Variants in PCDH15 observed in about 807,000 individuals in gnomAD.
PCDH15 encodes the protein protocadherin-15.
A neutral mutation model predicts 178.5 loss-of-function variants in PCDH15; 129 were observed. The ratio of observed to expected loss-of-function variants is 0.72; its 90% CI spans 0.63 to 0.84. PCDH15 has a LOEUF of 0.84. Among genes scored for constraint, PCDH15 ranks in the 40% least tolerant of loss-of-function variants. The pLI, the probability that PCDH15 is intolerant of heterozygous loss-of-function variation, is 0.00. For synonymous variants in PCDH15, 800 were observed against 732.0 expected (o/e 1.09, Z -1.50); for missense variants, 2,230 against 2,099.9 (o/e 1.06, Z -1.21).
At chr10:55,509,093 AG>A (rs1840823560) in intron 2 of PCDH15, among the ~76,000 whole-genome samples, 1 of 151,816 alleles carries the variant, frequency 6.6e-6, no homozygotes. Context: ...CAATTACTTA[AG>A]AAATTGGAGT....
At chr10:54,816,655 G>A (rs1021290587) in intron 3 of PCDH15, among the ~76,000 whole-genome samples, 1 of 152,048 alleles carries the variant, frequency 6.6e-6, no homozygotes, top group Non-Finnish European at 1.5e-5. Flanking sequence ...ACTTTTATTA[G>A]TTCCAAAATT....
chr10:54,943,751 C>T (rs1838118939), intron 2 of PCDH15, among the ~76,000 whole-genome samples: 1 of 151,526 alleles, frequency 6.6e-6, no homozygotes, highest in African/African-American at 2.4e-5. Context: ...GTGGTGATTC[C>T]TCTGGTTAAG....
At chr10:54,053,215 G>A (rs977241107) in intron 18 of PCDH15, among the ~76,000 whole-genome samples, 1 of 152,148 alleles carries the variant, frequency 6.6e-6, no homozygotes, top group African/African-American at 2.4e-5. Flanking sequence ...TTATGTGTTT[G>A]TATGCTTGTG....
intron 3 of PCDH15, chr10:54,452,510 A>C (rs1489225688): frequency 6.6e-6 from 1 of 152,100 alleles, no homozygotes; most frequent in Non-Finnish European, 1.5e-5. Flanking sequence ...CTGCCAAAGC[A>C]AGTGCCAGCT....
At chr10:54,138,996 C>A (rs1216801898) in intron 14 of PCDH15, among the ~76,000 whole-genome samples, 1 of 151,746 alleles carries the variant, frequency 6.6e-6, no homozygotes, top group Admixed American at 6.6e-5. Flanking sequence ...TTAAGTCAAC[C>A]ACAATAAGCA....
chr10:55,357,218 C>T (rs1845102100), intron 2 of PCDH15, among the ~76,000 whole-genome samples: 1 of 151,752 alleles, frequency 6.6e-6, no homozygotes, highest in Non-Finnish European at 1.5e-5. Context: ...ATGAATAAAT[C>T]TATTTCCTTA....
At chr10:54,688,920 G>T (rs2095064269) in intron 1 of PCDH15, among the ~76,000 whole-genome samples, 1 of 152,076 alleles carries the variant, frequency 6.6e-6, no homozygotes, top group South Asian at 2.1e-4. Flanking sequence ...TGCTTGTGTT[G>T]AGAACATTTA....
chr10:54,262,972 C>T (rs374704648), intron 8 of PCDH15, among the ~76,000 whole-genome samples: 13 of 152,326 alleles, frequency 8.5e-5, no homozygotes, highest in African/African-American at 2.2e-4. Context: ...CTGAAAATCA[C>T]GGGCTGCAAG....
At position 54,070,217 on chromosome 10, in the gene PCDH15, G is replaced by A. The variant is rs2094213178; in HGVS notation, c.2092-3332C>T. 3.9e-5 allele frequency among the ~76,000 whole-genome samples: 6 copies of A among 152,044 alleles called. No individual in the cohort carries two copies. In the South Asian group the frequency reaches 1.2e-3, roughly 31 times the overall value. ...TATTTCTGTTTTTGTTTGTTTGTTT[G>A]TTTTGAGACAAGGTATCACTCTGTC... On this transcript the variant is annotated intron_variant, in intron 17 of 37. Transcript: ENST00000644397.
At position 55,498,780 on chromosome 10, in the gene PCDH15, C is replaced by T. The variant is rs563978464; in HGVS notation, c.-156+128845G>A. On this transcript the variant is annotated intron_variant, in intron 2 of 5. Transcript: ENST00000613346. ...TCCCAAACTCCTATCCCTTGCTATG[C>T]ATGCTACATAATGGCCTCATGAGTT... Among the ~76,000 whole-genome samples the T allele has an allele frequency of 3.9e-5, 6 of 151,948 alleles. No individual in the cohort carries two copies. In the South Asian group the frequency reaches 6.2e-4, roughly 16 times the overall value.
chr10:55,393,429 T>C (rs1392112779), intron 2 of PCDH15, among the ~76,000 whole-genome samples: 1 of 152,172 alleles, frequency 6.6e-6, no homozygotes, highest in African/African-American at 2.4e-5. Context: ...TTGTTATTTT[T>C]GTTTTATGAA....
rs769114409 is a variant in PCDH15, at chr10:54,195,827, A to G, written c.1161T>C (p.Asp387=). 1 of 1,614,056 alleles carries G rather than the reference A, an allele frequency of 6.2e-7. No homozygotes were observed. Among genetic ancestry groups the G allele is most frequent in the Non-Finnish European group, 8.5e-7 (1 of 1,179,960 alleles). ...TAAAATATGGACTTTGATTGTTTTC[A>G]TCCAGTATTTCAATGTGTAGACCGG... ...AFAGLHIEIL[D]ENNQSPYFTM... is the part of the protein sequence containing the mutation. The change falls in exon 11 of 38, where the codon GAT becomes GAC. Residue 387 remains aspartate (D), a synonymous_variant. Transcript: ENST00000644397.
intron 3 of PCDH15, among the ~76,000 whole-genome samples, chr10:54,893,877 A>T (rs867016049): frequency 7.9e-5 from 12 of 152,238 alleles, no homozygotes; most frequent in African/African-American, 2.9e-4. Context: ...AAAATCAGTT[A>T]TTAAATTCTA....
intron 3 of PCDH15, among the ~76,000 whole-genome samples, chr10:54,471,007 G>A (rs962123169): frequency 2.6e-5 from 4 of 152,008 alleles, no homozygotes; most frequent in Admixed American, 6.6e-5. Flanking sequence ...AAAACCATAC[G>A]TGATTTTTGG....
At chr10:53,990,514 A>ATATATATATGTTC (rs71004500) in intron 21 of PCDH15, among the ~76,000 whole-genome samples, 74,705 of 146,482 alleles carry the variant, frequency 0.51, 19,674 homozygotes, top group Middle Eastern at 0.66. Context: ...TATATGTTAT[A>ATATATATATGTTC]TATATATATG....
chr10:54,174,017 A>G (rs987649662), intron 13 of PCDH15, among the ~76,000 whole-genome samples: 3 of 152,226 alleles, frequency 2.0e-5, no homozygotes, highest in African/African-American at 4.8e-5. Context: ...TGCTAAGTGA[A>G]GAAATTGAAC....
In PCDH15 at chr10:53,805,804, A is replaced by G. The variant is rs1005113552; in HGVS notation, c.*775T>C. ...TCTCACTTCCCTAAAAGCTTTTGCT[A>G]AGGGTGAGATTTCCATGTTGCTCCA... On this transcript the variant is annotated 3_prime_UTR_variant, in exon 38 of 38. Transcript: ENST00000644397. 3 of 152,100 alleles carry G rather than the reference A, an allele frequency of 2.0e-5. No homozygotes were observed. Among genetic ancestry groups the G allele is most frequent in the African/African-American group, 7.2e-5 (3 of 41,416 alleles). 9.4% of individuals were successfully genotyped at this position (152,100 alleles called of 1,614,324 possible).
intron 2 of PCDH15, among the ~76,000 whole-genome samples, chr10:55,461,341 A>G (rs1264791884): frequency 6.6e-6 from 1 of 152,152 alleles, no homozygotes; most frequent in Non-Finnish European, 1.5e-5. Context: ...GAAGGTAAAT[A>G]CAGTGCCTAT....
rs1225764594 is a variant in PCDH15 at position 53,806,567 on chromosome 10, T to C, written c.*12A>G. 4 of 1,559,278 alleles carry C rather than the reference T, an allele frequency of 2.6e-6. No homozygotes were observed. In the African/African-American group the frequency reaches 5.5e-5, roughly 21 times the overall value. On this transcript the variant is annotated 3_prime_UTR_variant, in exon 38 of 38. Transcript: ENST00000644397. ...AAGTAAAAATTAATTAAAATATCTT[T>C]TAAAAAATTGGTCACAGTTTTGTCA...
Sources: allele counts gnomAD v4.1 joint callset (sites outside exome capture counted in the v4.1 genomes callset), GRCh38; gene constraint gnomAD v4.1.1; transcripts MANE v1.5; gene names NCBI Gene and HGNC (gene_info 2026-07-23, HGNC 2026-07-21).